Variants in PCDHGA4 observed in about 807,000 individuals in gnomAD.
The protein encoded by PCDHGA4 is protocadherin gamma-A4.
Under a neutral mutation model 54.6 loss-of-function variants are expected in PCDHGA4, and 38 were observed. That is an observed-to-expected ratio of 0.70 (90% CI 0.54 to 0.91). PCDHGA4 has a LOEUF of 0.91. Ranked by LOEUF, PCDHGA4 falls within the 40% of genes least tolerant of loss-of-function variation. PCDHGA4 has a pLI of 0.00. For synonymous variants in PCDHGA4, 511 were observed against 512.9 expected, an observed-to-expected ratio of 1.00 and a Z score of 0.05; for missense variants, 1,298 against 1,220.9, an observed-to-expected ratio of 1.06 and a Z score of -0.94.
intron 1 of PCDHGA4, chr5:141,361,134 C>T (rs774354989): frequency 4.3e-6 from 7 of 1,613,918 alleles, no homozygotes; most frequent in Non-Finnish European, 5.9e-6. Context: ...ACTGCAGTAT[C>T]CAAGTTGAAA....
intron 1 of PCDHGA4, among the ~76,000 whole-genome samples, chr5:141,387,466 C>G (rs1589036513): frequency 6.6e-6 from 1 of 152,194 alleles, no homozygotes; most frequent in Non-Finnish European, 1.5e-5. Context: ...TAAAAATCCT[C>G]AAAGTTGGGA....
At chr5:141,509,507 T>G (rs2099877110) in intron 3 of PCDHGA4, among the ~76,000 whole-genome samples, 1 of 151,792 alleles carries the variant, frequency 6.6e-6, no homozygotes, top group African/African-American at 2.4e-5. Flanking sequence ...GATGTGACGG[T>G]GTTGATGATG....
intron 1 of PCDHGA4, chr5:141,402,918 A>G: frequency 6.4e-7 from 1 of 1,570,054 alleles, no homozygotes; most frequent in Non-Finnish European, 8.6e-7. Context: ...GCGCGCACAG[A>G]GATCCTTTTG....
intron 1 of PCDHGA4, chr5:141,409,728 C>T: frequency 6.2e-7 from 1 of 1,613,134 alleles, no homozygotes; most frequent in Non-Finnish European, 8.5e-7. Flanking sequence ...TCAGTGAGCG[C>T]GCAGAGCGGG....
At chr5:141,388,387 A>G (rs746929136) in intron 1 of PCDHGA4, 5 of 1,614,034 alleles carry the variant, frequency 3.1e-6, no homozygotes, top group South Asian at 2.2e-5. Flanking sequence ...AACACACTGC[A>G]GAATTACCAA....
intron 1 of PCDHGA4, among the ~76,000 whole-genome samples, chr5:141,362,811 T>G (rs920763792): frequency 6.6e-6 from 1 of 152,256 alleles, no homozygotes; most frequent in African/African-American, 2.4e-5. Context: ...ACATTACTTC[T>G]CTCTGCAGAT....
chr5:141,360,486 C>T, intron 1 of PCDHGA4: 1 of 1,613,944 alleles, frequency 6.2e-7, no homozygotes, highest in Non-Finnish European at 8.5e-7. Context: ...TAAATATTTT[C>T]TACATAGCAG....
At chr5:141,420,469 T>C in intron 1 of PCDHGA4, 1 of 724,306 alleles carries the variant, frequency 1.4e-6, no homozygotes. Flanking sequence ...AAAGACATTT[T>C]AAAGCAAACT....
At chr5:141,421,325 G>T in intron 1 of PCDHGA4, 1 of 1,613,906 alleles carries the variant, frequency 6.2e-7, no homozygotes, top group Non-Finnish European at 8.5e-7. Flanking sequence ...AGGCAGATCC[G>T]ATATTCGGTG....
chr5:141,381,826 C>CTTTTTTTTTTTTTTTTTTTTTTTTTTTT (rs770630741), intron 1 of PCDHGA4, among the ~76,000 whole-genome samples: 17 of 74,292 alleles, frequency 2.3e-4, no homozygotes, highest in Non-Finnish European at 3.3e-4. Context: ...CTTTCTTCTT[C>CTTTTTTTTTTTTTTTTTTTTTTTTTTTT]TTTTTTTTTT....
chr5:141,358,949 C>T (rs1406811787), intron 1 of PCDHGA4, among the ~76,000 whole-genome samples: 1 of 152,136 alleles, frequency 6.6e-6, no homozygotes, highest in African/African-American at 2.4e-5. Flanking sequence ...GTTCTTTGTG[C>T]TTTCATTTAG....
intron 1 of PCDHGA4, among the ~76,000 whole-genome samples, chr5:141,450,783 G>A (rs2879228): frequency 0.25 from 37,099 of 150,510 alleles, 4,810 homozygotes; most frequent in Admixed American, 0.32. Flanking sequence ...CACCGTGCCC[G>A]GACCTCATGA....
chr5:141,415,755 T>G (rs753465209), intron 1 of PCDHGA4: 41 of 1,387,576 alleles, frequency 3.0e-5, no homozygotes, highest in Middle Eastern at 2.6e-4. Flanking sequence ...TTTTTTTTTT[T>G]TTTTTTTTTT....
At chr5:141,409,063 C>A (rs988950366) in intron 1 of PCDHGA4, 2 of 1,613,860 alleles carry the variant, frequency 1.2e-6, no homozygotes, top group African/African-American at 2.7e-5. Flanking sequence ...CTGCCCAGAG[C>A]ACAAAACATA....
chr5:141,356,922 T>C lies in PCDHGA4; in HGVS notation c.1815T>C (p.Gly605=). The C allele has an allele frequency of 6.2e-7, 1 of 1,613,632 alleles. No individual in the cohort carries two copies. The highest frequency in any genetic ancestry group is 1.7e-5 in the Admixed American group (1 of 60,032). Residue 605 remains glycine, a synonymous_variant, in exon 1 of 4, where the codon GGT becomes GGC. Transcript: ENST00000571252. ...YPTFPTDGST[G]VELAPRSADS... ...CCTTCCCTACTGATGGCTCCACTGG[T>C]GTGGAGCTGGCACCCCGCTCCGCAG...
At chr5:141,395,196 G>T (rs1431851304) in intron 1 of PCDHGA4, 1 of 1,613,948 alleles carries the variant, frequency 6.2e-7, no homozygotes, top group Non-Finnish European at 8.5e-7. Context: ...GTTAACATCC[G>T]TAGATTTTCA....
chr5:141,374,760 C>A, intron 1 of PCDHGA4: 1 of 1,613,440 alleles, frequency 6.2e-7, no homozygotes, highest in Non-Finnish European at 8.5e-7. Flanking sequence ...TCAAGCGTCG[C>A]CCAAATTCTG....
At chr5:141,500,222 T>TGA (rs1355843194) in intron 2 of PCDHGA4, among the ~76,000 whole-genome samples, 1 of 146,758 alleles carries the variant, frequency 6.8e-6, no homozygotes, top group Non-Finnish European at 1.5e-5. Flanking sequence ...ATTTATTTAT[T>TGA]TATTGATACG....
At chr5:141,482,570 C>A (rs2099568543) in intron 1 of PCDHGA4, among the ~76,000 whole-genome samples, 1 of 144,954 alleles carries the variant, frequency 6.9e-6, no homozygotes, top group African/African-American at 2.6e-5. Context: ...ATCTGCATAG[C>A]ATAAGATGCA....
Sources: allele counts gnomAD v4.1 joint callset (sites outside exome capture counted in the v4.1 genomes callset), GRCh38; gene constraint gnomAD v4.1.1; transcripts MANE v1.5; gene names NCBI Gene and HGNC (gene_info 2026-07-23, HGNC 2026-07-21).